GIGYF2: variants seen among roughly 807,000 people sequenced by gnomAD.
The protein encoded by GIGYF2 is GRB10-interacting GYF protein 2.
GIGYF2 carries 25 observed loss-of-function variants against 208.1 expected under a neutral mutation model. The observed-to-expected ratio is 0.12, with a 90% CI of 0.09 to 0.17. The LOEUF (loss-of-function observed/expected upper bound fraction) is 0.17, where lower values mean the gene tolerates loss of function less well. Ranked by LOEUF, GIGYF2 falls within the 10% of genes least tolerant of loss-of-function variation. The pLI is 1.00. For synonymous variants in GIGYF2, 534 were observed against 543.8 expected, an observed-to-expected ratio of 0.98 and a Z score of 0.25; for missense variants, 1,302 against 1,579.4, an observed-to-expected ratio of 0.82 and a Z score of 2.98.
At chr2:232,715,495 A>G (rs1696636486) in intron 2 of GIGYF2, among the ~76,000 whole-genome samples, 1 of 152,128 alleles carries the variant, frequency 6.6e-6, no homozygotes. Context: ...TAATTCACAT[A>G]GAAATAATGT....
chr2:232,728,435 A>C (rs1697307118), intron 2 of GIGYF2, among the ~76,000 whole-genome samples: 1 of 152,186 alleles, frequency 6.6e-6, no homozygotes, highest in Non-Finnish European at 1.5e-5. Flanking sequence ...ACTATAATGA[A>C]AGAGGAATCT....
intron 1 of GIGYF2, among the ~76,000 whole-genome samples, chr2:232,700,247 C>G (rs1695782530): frequency 6.6e-6 from 1 of 152,126 alleles, no homozygotes; most frequent in Non-Finnish European, 1.5e-5. Flanking sequence ...AATTGCCTTT[C>G]TTCCTCTTGT....
intron 2 of GIGYF2, among the ~76,000 whole-genome samples, chr2:232,718,756 G>T (rs1227773533): frequency 2.0e-5 from 3 of 152,196 alleles, no homozygotes; most frequent in African/African-American, 7.2e-5. Flanking sequence ...CTGTGGTGGG[G>T]ACAGAACTAC....
rs568188341 is a variant in GIGYF2, at chr2:232,831,972, G to T, written c.2530-885G>T. 1.6e-4 allele frequency among the ~76,000 whole-genome samples: 24 copies of T among 145,970 alleles called. No homozygotes were observed. In the South Asian group the frequency reaches 3.7e-3, roughly 23 times the overall value. On this transcript the variant is annotated intron_variant, in intron 21 of 28. Transcript: ENST00000373563. Reference sequence around the variant, plus strand: ...ATCTGACATTTTAAACCTCTGATGTGGCAGGAGGCTTTGTCTGCCAGGAAT... The same window carrying T: ...ATCTGACATTTTAAACCTCTGATGTTGCAGGAGGCTTTGTCTGCCAGGAAT...
intron 1 of GIGYF2, among the ~76,000 whole-genome samples, chr2:232,698,971 C>G (rs1433745597): frequency 6.6e-6 from 1 of 152,162 alleles, no homozygotes; most frequent in Non-Finnish European, 1.5e-5. Flanking sequence ...CTGTTAAGTA[C>G]TGGGAGCAAA....
chr2:232,855,140 G>A (rs1261781175), intron 28 of GIGYF2, among the ~76,000 whole-genome samples: 2 of 136,268 alleles, frequency 1.5e-5, no homozygotes, highest in Non-Finnish European at 3.0e-5. Context: ...AGGCTGGAGT[G>A]CAGTGATGTT....
chr2:232,759,911 TA>T (rs1698682462), intron 6 of GIGYF2, among the ~76,000 whole-genome samples: 1 of 152,176 alleles, frequency 6.6e-6, no homozygotes, highest in African/African-American at 2.4e-5. Context: ...CATTTCTTTT[TA>T]ACTTCAAGAT....
intron 14 of GIGYF2, among the ~76,000 whole-genome samples, chr2:232,796,573 C>T (rs776211545): frequency 3.9e-5 from 6 of 152,120 alleles, no homozygotes; most frequent in Non-Finnish European, 7.3e-5. Flanking sequence ...AAAAATAATT[C>T]GAATACAGCC....
At chr2:232,771,924 A>G (rs753706264) in intron 8 of GIGYF2, among the ~76,000 whole-genome samples, 39 of 152,290 alleles carry the variant, frequency 2.6e-4, no homozygotes, top group Non-Finnish European at 4.3e-4. Flanking sequence ...ATTTGTGGTA[A>G]GCTTTTAGAG....
chr2:232,740,170 C>G (rs1288363689), intron 3 of GIGYF2, among the ~76,000 whole-genome samples: 19 of 152,016 alleles, frequency 1.2e-4, no homozygotes, highest in Non-Finnish European at 1.2e-4. Flanking sequence ...GATCAAAAAT[C>G]TATTCAGTCG....
chr2:232,714,191 TCC>T (rs1430895281), intron 2 of GIGYF2, among the ~76,000 whole-genome samples: 1 of 152,112 alleles, frequency 6.6e-6, no homozygotes, highest in African/African-American at 2.4e-5. Context: ...GACCTCGTGA[TCC>T]GCCCGTCTCG....
At chr2:232,732,821 G>C (rs1321762886) in intron 2 of GIGYF2, among the ~76,000 whole-genome samples, 1 of 151,816 alleles carries the variant, frequency 6.6e-6, no homozygotes, top group Non-Finnish European at 1.5e-5. Flanking sequence ...GTGGAGACAG[G>C]GTTTTGCCAT....
rs377143775 is a variant in GIGYF2, at chr2:232,844,210, G to T, written c.3054G>T (p.Gln1018His). The part of the protein sequence containing the change: ...EEARQMQKQQ[Q>H]QQQQHQQPNR... ...CCAGGCAAATGCAAAAGCAGCAGCA[G>T]CAGCAGCAGCAACACCAGCAACCAA... The change falls in exon 24 of 29, where the codon CAG becomes CAT. Residue 1018 changes from glutamine (Q) to histidine (H), a missense_variant. Gln to His is a conservative substitution (Grantham distance 24). Transcript: ENST00000373563. The T allele has an allele frequency of 4.5e-6, 7 of 1,563,170 alleles. No individual in the cohort carries two copies. The highest frequency in any genetic ancestry group is 6.1e-6 in the Non-Finnish European group (7 of 1,152,508).
intron 14 of GIGYF2, among the ~76,000 whole-genome samples, chr2:232,797,091 T>C (rs1320853288): frequency 1.8e-4 from 27 of 151,386 alleles, no homozygotes; most frequent in Admixed American, 1.7e-3. Context: ...TTTTTTTTTT[T>C]CAAGTGGAGT....
At chr2:232,703,137 A>G (rs1213443404) in intron 1 of GIGYF2, among the ~76,000 whole-genome samples, 1 of 151,930 alleles carries the variant, frequency 6.6e-6, no homozygotes, top group African/African-American at 2.4e-5. Context: ...TTGAATGAAA[A>G]CCCCAAATAA....
intron 21 of GIGYF2, among the ~76,000 whole-genome samples, chr2:232,820,800 G>A (rs929287972): frequency 3.3e-5 from 5 of 151,794 alleles, no homozygotes; most frequent in Non-Finnish European, 7.4e-5. Context: ...TCTAGGCTTT[G>A]TATTCTCTTT....
In GIGYF2 at chr2:232,791,178, CTCT is replaced by C. The variant is rs1256794012; in HGVS notation, c.1093+13_1093+15del. On this transcript the variant is annotated intron_variant, in intron 11 of 28. Transcript: ENST00000373563. ...CAGATAGAGTAGGAGTTGGTAAGGC[CTCT>C]TCTTGCCCTTTGCCTTTTTTTTCCT... is the stretch of plus-strand genomic sequence containing the variant. 6.2e-7 allele frequency: 1 copy of C among 1,613,966 alleles called. No homozygotes were observed. Among genetic ancestry groups the C allele is most frequent in the South Asian group, 1.1e-5 (1 of 91,070 alleles).
Position 232,829,246 on chromosome 2 carries a change from G to A in GIGYF2, c.2530-3611G>A, listed in dbSNP as rs141513610. ...TTCTTAGTGAACCTTTTATTGTTAC[G>A]AAATGTTCCTATTTACCTCTGATTG... On this transcript the variant is annotated intron_variant, in intron 21 of 28. Transcript: ENST00000373563. 4.2e-3 allele frequency among the ~76,000 whole-genome samples: 636 copies of A among 152,072 alleles called. 2 individuals carry two copies. Among genetic ancestry groups the A allele is most frequent in the African/African-American group, 0.015 (603 of 41,484 alleles).
chr2:232,794,980 A>T, intron 13 of GIGYF2, 36 bp downstream of exon 13: 3 of 1,460,192 alleles, frequency 2.1e-6, no homozygotes, highest in Non-Finnish European at 2.9e-6. Context: ...TCTCCTCTTA[A>T]ACTGCCGTAA....
Sources: allele counts gnomAD v4.1 joint callset (sites outside exome capture counted in the v4.1 genomes callset), GRCh38; gene constraint gnomAD v4.1.1; transcripts MANE v1.5; gene names NCBI Gene and HGNC (gene_info 2026-07-23, HGNC 2026-07-21).